The following COL12A1 variants were observed in gnomAD, a reference collection of about 807,000 sequenced individuals.
The protein encoded by COL12A1 is collagen type XII alpha 1 chain.
A neutral mutation model predicts 349.7 loss-of-function variants in COL12A1; 114 were observed. The ratio of observed to expected loss-of-function variants is 0.33; its 90% CI spans 0.28 to 0.38. The LOEUF is 0.38. Ranked by LOEUF, COL12A1 falls within the 10% of genes least tolerant of loss-of-function variation. COL12A1 has a pLI of 1.00. For synonymous variants in COL12A1, 1,369 were observed against 1,329.0 expected, an observed-to-expected ratio of 1.03 and a Z score of -0.66; for missense variants, 3,284 against 3,756.9, an observed-to-expected ratio of 0.87 and a Z score of 3.29.
At chr6:75,201,054 C>A (rs1216117470) in intron 2 of COL12A1, among the ~76,000 whole-genome samples, 3 of 152,074 alleles carry the variant, frequency 2.0e-5, no homozygotes, top group Non-Finnish European at 4.4e-5. Flanking sequence ...TCTAACTGCA[C>A]TTTGCTAACC....
intron 11 of COL12A1, among the ~76,000 whole-genome samples, chr6:75,179,822 G>T (rs1291007304): frequency 6.6e-6 from 1 of 152,164 alleles, no homozygotes; most frequent in Non-Finnish European, 1.5e-5. Context: ...AACTTAAATT[G>T]GTGCCTTAAA....
intron 4 of COL12A1, 27 bp downstream of exon 4, chr6:75,192,185 A>C (rs1265978564): frequency 2.1e-6 from 3 of 1,425,528 alleles, no homozygotes; most frequent in Non-Finnish European, 2.8e-6. Context: ...AAATTATACA[A>C]ATATTTTATT....
chr6:75,125,244 C>G lies in COL12A1; in HGVS notation c.6490G>C (p.Gly2164Arg). The change falls in exon 40 of 66, where the codon GGA (glycine) becomes CGA (arginine). Residue 2164 changes from glycine (G) to arginine (R), a missense_variant. Around this residue, in one of 2 missense-constraint regions of COL12A1, gnomAD observed 2,601 missense variants for 2,824.8 expected, o/e 0.92. Coordinates refer to ENST00000322507, the MANE Select transcript of COL12A1 (RefSeq NM_004370.6). ...TGTAAGGTATATGATGTCATTTCTC[C>G]AACAAAGGCTTCCATGGGCTCATTG... Reference protein sequence around the residue: ...GSNEPMEAFVGEMTSYTLHNL... With the variant: ...GSNEPMEAFVREMTSYTLHNL... 1.2e-6 allele frequency: 2 copies of G among 1,608,502 alleles called. No individual in the cohort carries two copies. The highest frequency in any genetic ancestry group is 1.7e-6 in the Non-Finnish European group (2 of 1,177,044).
At chr6:75,139,060 T>G in intron 27 of COL12A1, 99 bp from the exon 28 acceptor site, 1 of 1,360,150 alleles carries the variant, frequency 7.4e-7, no homozygotes, top group Non-Finnish European at 1.0e-6. Context: ...AATGGACATC[T>G]GAAAACTGAT....
chr6:75,137,363 G>C (rs1472861447), intron 31 of COL12A1, 74 bp downstream of exon 31: 1 of 1,334,872 alleles, frequency 7.5e-7, no homozygotes, highest in Non-Finnish European at 1.0e-6. Context: ...GACTAACTAA[G>C]CACTGAGGGG....
At chr6:75,148,998 T>C (rs112954995) in intron 21 of COL12A1, among the ~76,000 whole-genome samples, 3 of 151,412 alleles carry the variant, frequency 2.0e-5, no homozygotes, top group African/African-American at 7.4e-5. Flanking sequence ...TGGCTCTCAT[T>C]CTCTCTCTTG....
chr6:75,186,945 C>T (rs546011746), intron 8 of COL12A1, among the ~76,000 whole-genome samples: 22 of 151,684 alleles, frequency 1.5e-4, no homozygotes, highest in African/African-American at 4.1e-4. Context: ...TAGAGGGAAA[C>T]GACACACACA....
intron 11 of COL12A1, among the ~76,000 whole-genome samples, chr6:75,179,353 C>A (rs1018713356): frequency 6.6e-6 from 1 of 152,018 alleles, no homozygotes; most frequent in Non-Finnish European, 1.5e-5. Flanking sequence ...ATTCCCCTCC[C>A]AAAATGCTGA....
chr6:75,112,191 AAC>A lies in COL12A1; in HGVS notation c.7950+1011_7950+1012del, dbSNP rs1768872789. On this transcript the variant is annotated intron_variant, in intron 51 of 65. Coordinates refer to ENST00000322507, the MANE Select transcript of COL12A1 (RefSeq NM_004370.6). ...TCAATTCCTACACATAAAGGGGAAC[AAC>A]ACACACTGCGGCCTATCAGAGGGTG... Among the ~76,000 whole-genome samples, 11 of 152,008 alleles carry A rather than the reference AAC, an allele frequency of 7.2e-5. 1 individual carries two copies. In the South Asian group the frequency reaches 2.3e-3, roughly 31 times the overall value.
At chr6:75,163,528 G>A (rs184345859) in intron 14 of COL12A1, among the ~76,000 whole-genome samples, 1 of 152,256 alleles carries the variant, frequency 6.6e-6, no homozygotes, top group East Asian at 1.9e-4. Flanking sequence ...AGGGGGCTAG[G>A]GGAGGGATAG....
chr6:75,156,132 T>C, intron 15 of COL12A1, 125 bp downstream of exon 15: 1 of 1,192,980 alleles, frequency 8.4e-7, no homozygotes, highest in Non-Finnish European at 1.2e-6. Context: ...AGACATTGTC[T>C]AGTAATTATA....
At chr6:75,131,892 G>A (rs780679544) in intron 35 of COL12A1, 48 bp downstream of exon 35, 2 of 1,603,258 alleles carry the variant, frequency 1.2e-6, no homozygotes, top group African/African-American at 2.7e-5. Context: ...ACACAAACAT[G>A]TGACTACATT....
chr6:75,180,912 A>G (rs757005849), intron 11 of COL12A1, 27 bp downstream of exon 11: 4 of 1,595,090 alleles, frequency 2.5e-6, no homozygotes, highest in Non-Finnish European at 3.4e-6. Context: ...CATTTTCTGA[A>G]TAACAGTGGC....
At chr6:75,135,076 C>G (rs999823039) in intron 31 of COL12A1, among the ~76,000 whole-genome samples, 2 of 150,444 alleles carry the variant, frequency 1.3e-5, no homozygotes, top group Non-Finnish European at 3.0e-5. Flanking sequence ...CTGGTGACCC[C>G]AAAAAGATAT....
chr6:75,121,677 C>A (rs891844493), intron 43 of COL12A1, among the ~76,000 whole-genome samples: 4 of 152,068 alleles, frequency 2.6e-5, no homozygotes, highest in Admixed American at 2.6e-4. Flanking sequence ...AGAAGCATTG[C>A]GGGGACCCTC....
Position 75,133,305 on chromosome 6 carries a change from T to C in COL12A1, c.5782A>G (p.Thr1928Ala), listed in dbSNP as rs770608173. The C allele has an allele frequency of 6.3e-7, 1 of 1,593,850 alleles. No homozygotes were observed. Residue 1928 changes from threonine (T) to alanine (A), a missense_variant, in exon 34 of 66, where the codon ACT (threonine) becomes GCT (alanine). This residue lies in a region of COL12A1 where 2,601 missense variants were observed against 2,824.8 expected (regional missense o/e 0.92). Transcript: ENST00000322507. Reference protein sequence around the residue: ...TEGDGGRTSDTGRTLMRGLAR... With the variant: ...TEGDGGRTSDAGRTLMRGLAR... ...CTTTATTACTTACATGTCCTTCCAG[T>C]ATCTGATGTGCGTCCCCCATCACCT... is the stretch of plus-strand genomic sequence containing the variant.
chr6:75,189,960 G>T, intron 5 of COL12A1, 145 bp from the exon 6 acceptor site: 1 of 849,318 alleles, frequency 1.2e-6, no homozygotes, highest in Non-Finnish European at 1.8e-6. Flanking sequence ...CATGCACAAA[G>T]AAATATACAA....
chr6:75,193,397 C>T (rs1770046729), intron 3 of COL12A1, among the ~76,000 whole-genome samples: 1 of 151,974 alleles, frequency 6.6e-6, no homozygotes, highest in African/African-American at 2.4e-5. Flanking sequence ...TTAAAAAAAG[C>T]TACGTTTCCT....
intron 1 of COL12A1, among the ~76,000 whole-genome samples, chr6:75,204,363 T>G (rs1719574766): frequency 6.6e-6 from 1 of 151,986 alleles, no homozygotes; most frequent in Non-Finnish European, 1.5e-5. Flanking sequence ...TTTTAACAGC[T>G]GAACTCAACG....
Sources: allele counts gnomAD v4.1 joint callset (sites outside exome capture counted in the v4.1 genomes callset), GRCh38; gene constraint gnomAD v4.1.1; regional missense constraint gnomAD v4.1.1; transcripts MANE v1.5; gene names NCBI Gene and HGNC (gene_info 2026-07-23, HGNC 2026-07-21).